Variants in TCF4 observed in about 807,000 individuals in gnomAD.
TCF4 encodes transcription factor 4, also known as SL3-3 enhancer factor 2.
In TCF4, 3 loss-of-function variants were observed where a neutral mutation model predicts 82.1. The observed-to-expected ratio is 0.04, with a 90% CI of 0.02 to 0.09. The LOEUF is 0.09. Among genes scored for constraint, TCF4 ranks in the 10% least tolerant of loss-of-function variants. The pLI is 1.00. For missense variants in TCF4, 518 were observed against 852.7 expected, an observed-to-expected ratio of 0.61 and a Z score of 4.89; for synonymous variants, 276 against 309.6, an observed-to-expected ratio of 0.89 and a Z score of 1.14.
chr18:55,609,321 G>A (rs1261579534), intron 2 of TCF4, among the ~76,000 whole-genome samples: 2 of 152,074 alleles, frequency 1.3e-5, no homozygotes, highest in African/African-American at 2.4e-5. Context: ...AGACTCATAC[G>A]GGGGGCAGGT....
At chr18:55,301,235 G>A (rs906038341) in intron 8 of TCF4, among the ~76,000 whole-genome samples, 2 of 152,120 alleles carry the variant, frequency 1.3e-5, no homozygotes, top group Admixed American at 6.5e-5. Context: ...AAGAAAACCC[G>A]CTGAGCTGGG....
chr18:55,289,716 C>T (rs1218390955), intron 8 of TCF4, among the ~76,000 whole-genome samples: 1 of 152,134 alleles, frequency 6.6e-6, no homozygotes, highest in East Asian at 1.9e-4. Context: ...ATGAGGGCAG[C>T]ACATCTTCCA....
chr18:55,252,728 A>G (rs2055612980), intron 15 of TCF4, among the ~76,000 whole-genome samples: 1 of 152,238 alleles, frequency 6.6e-6, no homozygotes. Flanking sequence ...CATATGCAAA[A>G]TGAACACAGC....
At chr18:55,424,056 A>AT (rs1232339215) in intron 5 of TCF4, among the ~76,000 whole-genome samples, 1 of 152,082 alleles carries the variant, frequency 6.6e-6, no homozygotes, top group Non-Finnish European at 1.5e-5. Flanking sequence ...ACGCTCATTA[A>AT]TTTTTAAGGG....
At chr18:55,389,315 CCT>C (rs2092878638) in intron 6 of TCF4, among the ~76,000 whole-genome samples, 2 of 152,106 alleles carry the variant, frequency 1.3e-5, no homozygotes, top group African/African-American at 2.4e-5. Context: ...CCTGGGTGCC[CCT>C]GTTAGACACT....
intron 8 of TCF4, among the ~76,000 whole-genome samples, chr18:55,338,566 A>C (rs1483300300): frequency 6.6e-6 from 1 of 152,246 alleles, no homozygotes; most frequent in Non-Finnish European, 1.5e-5. Flanking sequence ...ATATAATTAA[A>C]TTGTAGTAAA....
At chr18:55,350,156 A>AC (rs2082029414) in intron 8 of TCF4, among the ~76,000 whole-genome samples, 1 of 152,030 alleles carries the variant, frequency 6.6e-6, no homozygotes, top group South Asian at 2.1e-4. Context: ...TATCAACATA[A>AC]CCACCCAGTC....
intron 2 of TCF4, chr18:55,586,040 G>C: frequency 7.2e-7 from 1 of 1,380,684 alleles, no homozygotes; most frequent in African/African-American, 1.4e-5. Context: ...CAGAAAGGGG[G>C]CTGCAAAGCT....
At chr18:55,569,741 T>C (rs2147511390) in intron 3 of TCF4, among the ~76,000 whole-genome samples, 1 of 152,162 alleles carries the variant, frequency 6.6e-6, no homozygotes. Flanking sequence ...TAAAAAATTA[T>C]AAAGAATTGT....
intron 13 of TCF4, chr18:55,259,734 AGAT>A: frequency 1.8e-6 from 1 of 556,186 alleles, no homozygotes; most frequent in Non-Finnish European, 3.2e-6. Context: ...TATTTTAAAA[AGAT>A]AATCTAATTT....
At chr18:55,304,236 C>T (rs565815530) in intron 8 of TCF4, among the ~76,000 whole-genome samples, 2 of 152,086 alleles carry the variant, frequency 1.3e-5, no homozygotes, top group East Asian at 1.9e-4. Flanking sequence ...GTGAAGAAGA[C>T]GGTATGAAAG....
rs772975240 is a variant in TCF4, at chr18:55,269,917, G to A, written c.836C>T (p.Pro279Leu). The A allele has an allele frequency of 1.1e-5, 17 of 1,613,162 alleles. No individual in the cohort carries two copies. Among genetic ancestry groups the A allele is most frequent in the Non-Finnish European group, 1.4e-5 (17 of 1,179,484 alleles). Residue 279 changes from proline (P) to leucine (L), a missense_variant, in exon 11 of 20, where the codon CCG (proline) becomes CTG (leucine). Coordinates refer to ENST00000354452, the MANE Select transcript of TCF4 (RefSeq NM_001083962.2). ...ACCACTACGATGGAAAGTGGACATC[G>A]GAGGAAGACTGGAATTGATGTCTGC... Reference protein sequence around the residue: ...SSADINSSLPPMSTFHRSGTN... With the variant: ...SSADINSSLPLMSTFHRSGTN...
At position 55,227,897 on chromosome 18, in the gene TCF4, C is replaced by T. The variant is rs899287073; in HGVS notation, c.*138G>A. 3.7e-5 allele frequency: 9 copies of T among 243,718 alleles called. No individual in the cohort carries two copies. Among genetic ancestry groups the T allele is most frequent in the Non-Finnish European group, 4.9e-5 (6 of 123,496 alleles). The allele number at this position is 243,718 out of a possible 1,614,324, so 15.1% of individuals were successfully genotyped here. A position where few individuals can be genotyped will look rare whatever the true frequency, so the allele number is the denominator to read the frequency against. On this transcript the variant is annotated 3_prime_UTR_variant, in exon 20 of 20. Transcript: ENST00000354452. The stretch of plus-strand genomic sequence containing the variant: ...GGAATGCTGAAACCTCTTGCGTCTG[C>T]GATTCATAACTACTCAGACTTGTCT...
intron 3 of TCF4, among the ~76,000 whole-genome samples, chr18:55,531,848 C>G (rs1404751296): frequency 6.6e-6 from 1 of 152,194 alleles, no homozygotes; most frequent in East Asian, 1.9e-4. Flanking sequence ...TTTGCTTAGT[C>G]TGATAAACAT....
chr18:55,260,509 A>G (rs1193219820), intron 12 of TCF4, among the ~76,000 whole-genome samples: 4 of 152,170 alleles, frequency 2.6e-5, no homozygotes, highest in Admixed American at 2.6e-4. Flanking sequence ...AATGCTCTCA[A>G]TGGTAAAAGC....
At chr18:55,379,936 T>C (rs1271754275) in intron 6 of TCF4, among the ~76,000 whole-genome samples, 3 of 152,126 alleles carry the variant, frequency 2.0e-5, no homozygotes, top group African/African-American at 7.2e-5. Context: ...TGCAGTGGCA[T>C]GATCATGGCT....
At chr18:55,350,138 C>A (rs1477499158) in intron 8 of TCF4, among the ~76,000 whole-genome samples, 4 of 152,152 alleles carry the variant, frequency 2.6e-5, no homozygotes, top group Non-Finnish European at 5.9e-5. Context: ...AGAGCTTAAC[C>A]TGCTGAATAT....
intron 5 of TCF4, among the ~76,000 whole-genome samples, chr18:55,421,226 A>G (rs908439066): frequency 8.5e-5 from 13 of 152,238 alleles, no homozygotes; most frequent in African/African-American, 2.9e-4. Flanking sequence ...ACACAGGTTC[A>G]TGTACAAACT....
intron 3 of TCF4, among the ~76,000 whole-genome samples, chr18:55,486,242 A>G (rs2096512770): frequency 6.6e-6 from 1 of 152,216 alleles, no homozygotes; most frequent in African/African-American, 2.4e-5. Context: ...TTGTTACTGA[A>G]ATAGTTTTTG....
Sources: allele counts gnomAD v4.1 joint callset (sites outside exome capture counted in the v4.1 genomes callset), GRCh38; gene constraint gnomAD v4.1.1; transcripts MANE v1.5; gene names NCBI Gene and HGNC (gene_info 2026-07-23, HGNC 2026-07-21).